ADAMTSL1: variants seen among roughly 807,000 people sequenced by gnomAD.
ADAMTSL1 encodes the protein ADAMTS-like protein 1.
In ADAMTSL1, 126 loss-of-function variants were observed where a neutral mutation model predicts 201.8. The observed-to-expected ratio is 0.62, with a 90% confidence interval of 0.54 to 0.72. ADAMTSL1 has a LOEUF of 0.72. Ranked by LOEUF, ADAMTSL1 falls within the 30% of genes least tolerant of loss-of-function variation. The pLI is 0.00. For synonymous variants in ADAMTSL1, 1,121 were observed against 903.4 expected, an observed-to-expected ratio of 1.24 and a Z score of -4.32; for missense variants, 2,679 against 2,277.8, an observed-to-expected ratio of 1.18 and a Z score of -3.59.
chr9:18,126,117 T>C (rs1825718489), intron 1 of ADAMTSL1, among the ~76,000 whole-genome samples: 1 of 152,238 alleles, frequency 6.6e-6, no homozygotes, highest in South Asian at 2.1e-4. Context: ...TGAAGATTAC[T>C]GTAACTATTT....
chr9:18,528,986 G>C (rs1373338945), intron 2 of ADAMTSL1, among the ~76,000 whole-genome samples: 3 of 152,130 alleles, frequency 2.0e-5, no homozygotes, highest in East Asian at 3.8e-4. Context: ...TTAAAAAAAA[G>C]AAGGAAAACA....
At chr9:18,722,490 T>C (rs1183704768) in intron 15 of ADAMTSL1, among the ~76,000 whole-genome samples, 1 of 152,220 alleles carries the variant, frequency 6.6e-6, no homozygotes, top group Admixed American at 6.5e-5. Context: ...AAGTGTGTCA[T>C]GTAAGAAGTA....
intron 16 of ADAMTSL1, among the ~76,000 whole-genome samples, chr9:18,759,369 A>C (rs943532822): frequency 6.6e-6 from 1 of 152,220 alleles, no homozygotes; most frequent in African/African-American, 2.4e-5. Flanking sequence ...CATTTTCTAG[A>C]TTTAAACATA....
Position 18,776,708 on chromosome 9 carries a change from T to C in ADAMTSL1, c.2552-73T>C, listed in dbSNP as rs898584185. 4.2e-6 allele frequency: 6 copies of C among 1,444,302 alleles called. No homozygotes were observed. In the African/African-American group the frequency reaches 8.5e-5, roughly 21 times the overall value. The allele number at this position is 1,444,302 out of a possible 1,614,324, so 89.5% of individuals were successfully genotyped here. On this transcript the variant is annotated intron_variant, in intron 18 of 28. Coordinates refer to ENST00000380548, the MANE Select transcript of ADAMTSL1 (RefSeq NM_001040272.6). ...GGCTCTTTCCTTTGCCCCTCTCTCC[T>C]GGCTGCATCTCACTCTGGGTTTTCT... is the stretch of plus-strand genomic sequence containing the variant.
rs1021122023 is a variant in ADAMTSL1 at position 18,588,833 on chromosome 9, A to G, written c.474+14567A>G. 5.7e-5 allele frequency among the ~76,000 whole-genome samples: 8 copies of G among 140,408 alleles called. No homozygotes were observed. In the Middle Eastern group the frequency reaches 0.011, roughly 191 times the overall value. 92.1% of individuals were successfully genotyped at this position (140,408 alleles called of 152,430 possible). A position where few individuals can be genotyped will look rare whatever the true frequency, so the allele number is the denominator to read the frequency against. On this transcript the variant is annotated intron_variant, in intron 4 of 28. Transcript: ENST00000380548. ...TGGTGTATCTGTCTGTTTTTATGCCAGTACCATGCTGTTGGGGTTACTATA... is the reference window on the plus strand; with the variant it reads ...TGGTGTATCTGTCTGTTTTTATGCCGGTACCATGCTGTTGGGGTTACTATA...
At chr9:18,767,769 G>A (rs1302271317) in intron 16 of ADAMTSL1, among the ~76,000 whole-genome samples, 1 of 152,142 alleles carries the variant, frequency 6.6e-6, no homozygotes, top group Non-Finnish European at 1.5e-5. Context: ...CCAAATGAGG[G>A]CTAAAATTAA....
At chr9:18,573,831 G>A (rs569863547) in intron 3 of ADAMTSL1, among the ~76,000 whole-genome samples, 199 bp from the exon 4 acceptor site, 4 of 152,224 alleles carry the variant, frequency 2.6e-5, no homozygotes, top group African/African-American at 9.6e-5. Context: ...GTATTTTGAG[G>A]TGATTGCTTT....
chr9:17,958,328 T>A (rs1328779126), intron 1 of ADAMTSL1, among the ~76,000 whole-genome samples: 1 of 152,130 alleles, frequency 6.6e-6, no homozygotes, highest in Non-Finnish European at 1.5e-5. Context: ...GACACTGAGA[T>A]GAGATAACTG....
intron 1 of ADAMTSL1, among the ~76,000 whole-genome samples, chr9:18,080,921 C>T (rs540728867): frequency 7.9e-5 from 12 of 152,170 alleles, no homozygotes; most frequent in South Asian, 4.2e-4. Flanking sequence ...TATTTGTAAC[C>T]GTAATTCTAA....
At chr9:18,211,606 G>T (rs1719958100) in intron 2 of ADAMTSL1, among the ~76,000 whole-genome samples, 1 of 152,202 alleles carries the variant, frequency 6.6e-6, no homozygotes, top group South Asian at 2.1e-4. Context: ...ATTGACATCT[G>T]TGGGGAAGTA....
chr9:18,826,306 T>C lies in ADAMTSL1; in HGVS notation c.3957T>C (p.Thr1319=). The C allele has an allele frequency of 6.2e-7, 1 of 1,612,804 alleles. No homozygotes were observed. The highest frequency in any genetic ancestry group is 8.5e-7 in the Non-Finnish European group (1 of 1,179,486). ...TAGGAGTGCCTGAAGCTGAAGTCAC[T>C]TGGTTCAGGAATAAAAGCAAACTGG... The part of the protein sequence containing the change: ...QVAGVPEAEV[T]WFRNKSKLGS... Residue 1319 remains threonine (T), a synonymous_variant, in exon 22 of 29, where the codon ACT becomes ACC. Coordinates refer to ENST00000380548, the MANE Select transcript of ADAMTSL1 (RefSeq NM_001040272.6).
intron 2 of ADAMTSL1, among the ~76,000 whole-genome samples, chr9:18,315,447 T>G (rs1586880406): frequency 1.3e-5 from 2 of 148,574 alleles, no homozygotes; most frequent in African/African-American, 5.0e-5. Context: ...AGGAGGGGGG[T>G]GGTTCGGGCA....
intron 2 of ADAMTSL1, among the ~76,000 whole-genome samples, chr9:18,327,743 CT>C (rs1439582176): frequency 6.6e-6 from 1 of 152,172 alleles, no homozygotes; most frequent in Non-Finnish European, 1.5e-5. Context: ...TATAAAAGGT[CT>C]TGACTGAAAG....
chr9:18,039,180 A>G (rs1343829855), intron 1 of ADAMTSL1, among the ~76,000 whole-genome samples: 1 of 152,206 alleles, frequency 6.6e-6, no homozygotes, highest in Non-Finnish European at 1.5e-5. Flanking sequence ...GTGTTGCAAT[A>G]GAATGATTAT....
intron 2 of ADAMTSL1, among the ~76,000 whole-genome samples, chr9:18,516,158 G>A (rs918152416): frequency 4.0e-5 from 6 of 151,532 alleles, no homozygotes; most frequent in South Asian, 2.1e-4. Flanking sequence ...ATTATTCTTC[G>A]GTTTGGGCCC....
chr9:18,394,660 A>T (rs570787096), intron 2 of ADAMTSL1, among the ~76,000 whole-genome samples: 1 of 152,306 alleles, frequency 6.6e-6, no homozygotes, highest in Non-Finnish European at 1.5e-5. Flanking sequence ...GTTGATTATA[A>T]ATTCAACATG....
chr9:18,571,172 G>A (rs1217193792), intron 3 of ADAMTSL1, among the ~76,000 whole-genome samples: 1 of 152,176 alleles, frequency 6.6e-6, no homozygotes, highest in Non-Finnish European at 1.5e-5. Flanking sequence ...GTACTAAGAT[G>A]ATATTGCATT....
intron 1 of ADAMTSL1, among the ~76,000 whole-genome samples, chr9:17,971,833 A>C (rs1438838323): frequency 6.6e-6 from 1 of 151,986 alleles, no homozygotes; most frequent in Non-Finnish European, 1.5e-5. Context: ...TATATGGGGA[A>C]AAAGACAACT....
At chr9:18,572,468 G>T (rs951952854) in intron 3 of ADAMTSL1, among the ~76,000 whole-genome samples, 1 of 152,094 alleles carries the variant, frequency 6.6e-6, no homozygotes, top group South Asian at 2.1e-4. Context: ...CTTGCTGGGT[G>T]CCTGTGTATC....
Sources: allele counts gnomAD v4.1 joint callset (sites outside exome capture counted in the v4.1 genomes callset), GRCh38; gene constraint gnomAD v4.1.1; transcripts MANE v1.5; gene names NCBI Gene and HGNC (gene_info 2026-07-23, HGNC 2026-07-21).